Variants in CLPTM1 observed in about 807,000 individuals in gnomAD.
The protein encoded by CLPTM1 is CLPTM1 regulator of GABA type A receptor forward trafficking.
Under a neutral mutation model 77.3 loss-of-function variants are expected in CLPTM1, and 21 were observed. The ratio of observed to expected loss-of-function variants is 0.27; its 90% CI spans 0.19 to 0.39. CLPTM1 has a LOEUF of 0.39. CLPTM1 is among the 10% of genes least tolerant of loss of function. The pLI is 1.00. For missense variants in CLPTM1, 642 were observed against 921.2 expected, an observed-to-expected ratio of 0.70 and a Z score of 3.92; for synonymous variants, 373 against 381.0, an observed-to-expected ratio of 0.98 and a Z score of 0.24.
At chr19:44,968,577 G>A (rs1484588545) in intron 2 of CLPTM1, among the ~76,000 whole-genome samples, 1 of 152,196 alleles carries the variant, frequency 6.6e-6, no homozygotes, top group Non-Finnish European at 1.5e-5. Flanking sequence ...ATGGATGAGG[G>A]GCCATGGCCA....
intron 6 of CLPTM1, 48 bp from the exon 7 acceptor site, chr19:44,986,407 C>G (rs1458701686): frequency 1.6e-5 from 26 of 1,602,462 alleles, no homozygotes; most frequent in Non-Finnish European, 2.2e-5. Flanking sequence ...TGATAGTCCC[C>G]GAGCACTTCC....
At position 44,962,043 on chromosome 19, in the gene CLPTM1, T is replaced by C. The variant is rs746241645; in HGVS notation, c.153T>C (p.Asn51=). Reference sequence around the variant, plus strand: ...ACCCACCGGCCCAGCCGGCACCCAATGCCTGGCAGGTCATCAAAGGTGTGC... The same window carrying C: ...ACCCACCGGCCCAGCCGGCACCCAACGCCTGGCAGGTCATCAAAGGTGTGC... ...PQNPPAQPAP[N]AWQVIKGVLF... The change falls in exon 2 of 14, where the codon AAT becomes AAC. Residue 51 remains asparagine (N), a synonymous_variant. Transcript: ENST00000337392. 6.2e-7 allele frequency: 1 copy of C among 1,611,804 alleles called. No individual in the cohort carries two copies. The highest frequency in any genetic ancestry group is 8.5e-7 in the Non-Finnish European group (1 of 1,179,244).
intron 2 of CLPTM1, among the ~76,000 whole-genome samples, chr19:44,967,196 G>A (rs1165839922): frequency 1.3e-5 from 2 of 152,124 alleles, no homozygotes; most frequent in African/African-American, 4.8e-5. Flanking sequence ...GCGCACACCT[G>A]TAGTGCCAGC....
At chr19:44,987,534 C>A in intron 8 of CLPTM1, 111 bp downstream of exon 8, 1 of 1,421,050 alleles carries the variant, frequency 7.0e-7, no homozygotes, top group Non-Finnish European at 9.5e-7. Flanking sequence ...TGCTCCTCTG[C>A]CCACAGTTTC....
chr19:44,963,865 G>A (rs111385178), intron 2 of CLPTM1, among the ~76,000 whole-genome samples: 2 of 151,860 alleles, frequency 1.3e-5, no homozygotes, highest in African/African-American at 4.8e-5. Flanking sequence ...CAATCTGCCC[G>A]CCTTGGCCTC....
intron 2 of CLPTM1, among the ~76,000 whole-genome samples, chr19:44,963,740 C>T (rs988930876): frequency 2.0e-5 from 3 of 152,162 alleles, no homozygotes; most frequent in African/African-American, 4.8e-5. Context: ...CTGCCTCAGC[C>T]TCCTGAGCAG....
chr19:44,972,655 C>A (rs1315311533), intron 2 of CLPTM1, among the ~76,000 whole-genome samples: 5 of 151,648 alleles, frequency 3.3e-5, no homozygotes, highest in African/African-American at 4.8e-5. Context: ...ATTATTTTTT[C>A]TTTATTTCTT....
At chr19:44,976,172 C>G (rs1970803068) in intron 4 of CLPTM1, among the ~76,000 whole-genome samples, 1 of 152,176 alleles carries the variant, frequency 6.6e-6, no homozygotes. Context: ...CTGACCTGCA[C>G]TGAGAGGTGA....
rs751427849 is a variant in CLPTM1 at position 44,990,604 on chromosome 19, G to A, written c.1323+19G>A. The A allele has an allele frequency of 1.2e-6, 2 of 1,610,398 alleles. No homozygotes were observed. Among genetic ancestry groups the A allele is most frequent in the South Asian group, 2.2e-5 (2 of 90,996 alleles). On this transcript the variant is annotated intron_variant, in intron 10 of 13. Transcript: ENST00000337392. This position sits in a 1 kb window ranked among gnomAD's most constrained non-coding sequence, Gnocchi z 4.8. ...CGTCCGGGTAAGGCTGGGGCGCCAT[G>A]CTGTCTCGGGAGCTGCAGGGGTTGG...
At chr19:44,955,126 G>C, upstream of CLPTM1, 1 of 1,535,748 alleles carries the variant, frequency 6.5e-7, no homozygotes, top group South Asian at 1.2e-5. Flanking sequence ...GAACTTGCGG[G>C]AGGCACATGC....
At chr19:44,963,027 A>G (rs1970568732) in intron 2 of CLPTM1, among the ~76,000 whole-genome samples, 1 of 140,108 alleles carries the variant, frequency 7.1e-6, no homozygotes, top group Admixed American at 7.4e-5. Flanking sequence ...TCCGTCTCAA[A>G]AAAAATAAAA....
chr19:44,991,495 T>C lies in CLPTM1; in HGVS notation c.1555+122T>C. 8.0e-7 allele frequency: 1 copy of C among 1,248,058 alleles called. No homozygotes were observed. Among genetic ancestry groups the C allele is most frequent in the Non-Finnish European group, 1.1e-6 (1 of 897,322 alleles). The allele number at this position is 1,248,058 out of a possible 1,614,324, so 77.3% of individuals were successfully genotyped here. On this transcript the variant is annotated intron_variant, in intron 12 of 13. Transcript: ENST00000337392. The surrounding 1 kb of genome is among the most constrained non-coding windows in gnomAD (Gnocchi z 5.4). ...ACCTAGGGTGGGCAGAGCTGGGATA[T>C]AGGGAGGCCCGAGGGCACACATGGC...
rs1971074285 is a variant in CLPTM1 at position 44,991,426 on chromosome 19, CA to C, written c.1555+54del. On this transcript the variant is annotated intron_variant, in intron 12 of 13. Transcript: ENST00000337392. The surrounding 1 kb of genome is among the most constrained non-coding windows in gnomAD (Gnocchi z 5.4). ...AGCAGGCCCCATGCTGCGCAGGGCT[CA>C]CAGCCCCAGTGTAGGAGACAGACCC... The C allele has an allele frequency of 6.3e-7, 1 of 1,590,552 alleles. No individual in the cohort carries two copies. Among genetic ancestry groups the C allele is most frequent in the Non-Finnish European group, 8.5e-7 (1 of 1,170,854 alleles).
intron 5 of CLPTM1, among the ~76,000 whole-genome samples, chr19:44,982,501 T>C (rs1970914465): frequency 6.6e-6 from 1 of 152,174 alleles, no homozygotes; most frequent in East Asian, 1.9e-4. Flanking sequence ...AAGGGGGGCT[T>C]TTTCCTCCCC....
At chr19:44,988,474 A>G (rs1441996582) in intron 9 of CLPTM1, among the ~76,000 whole-genome samples, 1 of 152,254 alleles carries the variant, frequency 6.6e-6, no homozygotes, top group African/African-American at 2.4e-5. Flanking sequence ...GAAGCCCCGG[A>G]GCTGCTCCCG....
At position 44,990,761 on chromosome 19, in the gene CLPTM1, G is replaced by A; in HGVS notation, c.1324-89G>A. On this transcript the variant is annotated intron_variant, in intron 10 of 13. Transcript: ENST00000337392. The surrounding 1 kb of genome is among the most constrained non-coding windows in gnomAD (Gnocchi z 4.8). ...GGGTCACACATGGGGCAGGGGAACTGGGAACGGTGGGGAAGGGCAGGGGCT... is the reference window on the plus strand; with the variant it reads ...GGGTCACACATGGGGCAGGGGAACTAGGAACGGTGGGGAAGGGCAGGGGCT... The A allele has an allele frequency of 7.5e-7, 1 of 1,336,054 alleles. No individual in the cohort carries two copies. 82.8% of individuals were successfully genotyped at this position (1,336,054 alleles called of 1,614,324 possible).
intron 5 of CLPTM1, chr19:44,984,501 C>T (rs527844628): frequency 6.6e-6 from 1 of 152,360 alleles, no homozygotes; most frequent in South Asian, 2.1e-4. Context: ...AGCCAGGCCA[C>T]GAAGATTGTG....
Position 44,992,952 on chromosome 19 carries a change from G to A in CLPTM1, c.*55G>A, listed in dbSNP as rs752272576. 79 of 1,569,590 alleles carry A rather than the reference G, an allele frequency of 5.0e-5. No individual in the cohort carries two copies. The Admixed American group carries it at 7.2e-4, about 14-fold the overall frequency. On this transcript the variant is annotated 3_prime_UTR_variant, in exon 14 of 14. Transcript: ENST00000337392. The surrounding 1 kb of genome is among the most constrained non-coding windows in gnomAD (Gnocchi z 7.7). ...CTGGCGACCACTACCCCTGCGTCCC[G>A]GCCCCCTCGCCTCCCCTCCCTGTCG...
intron 1 of CLPTM1, among the ~76,000 whole-genome samples, chr19:44,961,662 C>T (rs1024357371): frequency 6.6e-6 from 1 of 152,136 alleles, no homozygotes; most frequent in East Asian, 1.9e-4. Context: ...ATTCCTGCCC[C>T]GTTCTGGACA....
Sources: allele counts gnomAD v4.1 joint callset (sites outside exome capture counted in the v4.1 genomes callset), GRCh38; gene constraint gnomAD v4.1.1; non-coding constraint Gnocchi (gnomAD v3.1); transcripts MANE v1.5; gene names NCBI Gene and HGNC (gene_info 2026-07-23, HGNC 2026-07-21).